DOCK4: variants seen among roughly 807,000 people sequenced by gnomAD.
DOCK4 encodes dedicator of cytokinesis protein 4.
Under a neutral mutation model 268.1 loss-of-function variants are expected in DOCK4, and 97 were observed. The observed-to-expected ratio is 0.36, with a 90% confidence interval of 0.31 to 0.43. The LOEUF (loss-of-function observed/expected upper bound fraction) is 0.43. Among genes scored for constraint, DOCK4 ranks in the 20% least tolerant of loss-of-function variants. The probability of loss-of-function intolerance (pLI) is 1.00; values close to 1 mark genes in which losing one functional copy is unlikely to be tolerated. For missense variants in DOCK4, 2,145 were observed against 2,455.7 expected (o/e 0.87, Z 2.67); for synonymous variants, 954 against 887.2 (o/e 1.08, Z -1.34).
intron 1 of DOCK4, among the ~76,000 whole-genome samples, chr7:112,167,386 G>A (rs575125205): frequency 2.0e-5 from 3 of 152,102 alleles, no homozygotes; most frequent in East Asian, 1.9e-4. Flanking sequence ...GAGGTCACCA[G>A]TGACTCCCCA....
chr7:111,770,345 G>C lies in DOCK4; in HGVS notation c.3680-668C>G, dbSNP rs73434208. The stretch of plus-strand genomic sequence containing the variant: ...TGTGTGGGTGTATTTGTGTGTGTGA[G>C]AGAGAAAGAACCGTTGCAGGCTGTG... On this transcript the variant is annotated intron_variant, in intron 36 of 52. Transcript: ENST00000428084. Among the ~76,000 whole-genome samples the C allele has an allele frequency of 2.8e-3, 430 of 152,128 alleles. 2 individuals are homozygous for C. Among genetic ancestry groups the C allele is most frequent in the African/African-American group, 9.8e-3 (405 of 41,500 alleles).
intron 1 of DOCK4, among the ~76,000 whole-genome samples, chr7:112,079,290 C>T (rs767305926): frequency 6.6e-6 from 1 of 152,150 alleles, no homozygotes; most frequent in Non-Finnish European, 1.5e-5. Context: ...TGCTTACCTG[C>T]ATTTAGTACA....
intron 30 of DOCK4, among the ~76,000 whole-genome samples, chr7:111,791,848 G>A (rs1230421594): frequency 1.3e-5 from 2 of 152,184 alleles, no homozygotes; most frequent in African/African-American, 4.8e-5. Context: ...GGGATTACAA[G>A]CATGAGCCAC....
chr7:111,883,472 T>C (rs1044977397), intron 16 of DOCK4, among the ~76,000 whole-genome samples: 3 of 152,190 alleles, frequency 2.0e-5, no homozygotes, highest in South Asian at 4.1e-4. Flanking sequence ...TGGTCTAGTA[T>C]GATCCATCTG....
At chr7:111,752,780 G>T (rs903169605) in intron 42 of DOCK4, among the ~76,000 whole-genome samples, 2 of 151,654 alleles carry the variant, frequency 1.3e-5, no homozygotes, top group African/African-American at 2.4e-5. Context: ...TACAGACGGG[G>T]TTTCACCATG....
intron 1 of DOCK4, among the ~76,000 whole-genome samples, chr7:112,091,449 T>C (rs571733776): frequency 6.6e-6 from 1 of 152,262 alleles, no homozygotes; most frequent in East Asian, 1.9e-4. Context: ...CTCTGAATTC[T>C]AGAAAGATGT....
intron 1 of DOCK4, among the ~76,000 whole-genome samples, chr7:112,150,481 G>A (rs1815956303): frequency 6.6e-6 from 1 of 152,026 alleles, no homozygotes; most frequent in Non-Finnish European, 1.5e-5. Context: ...ACCCCCACAC[G>A]TAGTCCTGTG....
chr7:112,067,769 A>G (rs1807211533), intron 1 of DOCK4, among the ~76,000 whole-genome samples: 1 of 152,198 alleles, frequency 6.6e-6, no homozygotes, highest in South Asian at 2.1e-4. Context: ...CACACCTTCA[A>G]AGGCTACCAC....
intron 12 of DOCK4, among the ~76,000 whole-genome samples, chr7:111,922,440 A>G (rs1270563868): frequency 1.3e-5 from 2 of 152,208 alleles, no homozygotes. Context: ...TTCTGGAACA[A>G]TTCTGGGAAC....
chr7:111,935,696 C>T, intron 11 of DOCK4, 68 bp from the exon 12 acceptor site: 2 of 1,361,748 alleles, frequency 1.5e-6, no homozygotes, highest in Non-Finnish European at 2.1e-6. Flanking sequence ...CCTCATAGTA[C>T]ATCTGCCCTT....
intron 13 of DOCK4, among the ~76,000 whole-genome samples, chr7:111,903,071 ATATAAC>A (rs1791276660): frequency 6.6e-6 from 1 of 151,532 alleles, no homozygotes; most frequent in African/African-American, 2.5e-5. Context: ...AAAAATAACC[ATATAAC>A]TATGTCTACA....
At chr7:111,853,925 T>G (rs554218421) in intron 23 of DOCK4, among the ~76,000 whole-genome samples, 2 of 151,712 alleles carry the variant, frequency 1.3e-5, no homozygotes, top group South Asian at 4.2e-4. Flanking sequence ...TTTTTGTTGT[T>G]GTTGTTGTTT....
At chr7:111,756,633 T>C (rs915985348) in intron 41 of DOCK4, among the ~76,000 whole-genome samples, 2 of 152,060 alleles carry the variant, frequency 1.3e-5, no homozygotes, top group African/African-American at 4.8e-5. Context: ...GATGACACGT[T>C]TCTTTTTTGT....
chr7:112,116,881 T>C (rs748737692), intron 1 of DOCK4, among the ~76,000 whole-genome samples: 2 of 152,232 alleles, frequency 1.3e-5, no homozygotes, highest in East Asian at 1.9e-4. Flanking sequence ...CATGAGCCAC[T>C]GTACCCGGCC....
intron 1 of DOCK4, among the ~76,000 whole-genome samples, chr7:112,192,180 T>A (rs1365354763): frequency 6.6e-6 from 1 of 151,572 alleles, no homozygotes; most frequent in Non-Finnish European, 1.5e-5. Context: ...TCTTTCTTCC[T>A]CTGCCCAGTC....
At chr7:111,953,226 A>G (rs1361394016) in intron 8 of DOCK4, among the ~76,000 whole-genome samples, 1 of 151,988 alleles carries the variant, frequency 6.6e-6, no homozygotes, top group Non-Finnish European at 1.5e-5. Context: ...AAAAAAATTA[A>G]CTACGCTGTT....
chr7:112,182,297 T>A (rs889052839), intron 1 of DOCK4, among the ~76,000 whole-genome samples: 1 of 152,220 alleles, frequency 6.6e-6, no homozygotes, highest in African/African-American at 2.4e-5. Flanking sequence ...TTGAAATACA[T>A]TAATTTTTAA....
At chr7:111,781,542 T>C (rs1447294662) in intron 35 of DOCK4, among the ~76,000 whole-genome samples, 1 of 152,142 alleles carries the variant, frequency 6.6e-6, no homozygotes, top group Non-Finnish European at 1.5e-5. Flanking sequence ...GAAAACATTA[T>C]GGAAGAAAGT....
intron 26 of DOCK4, among the ~76,000 whole-genome samples, chr7:111,824,950 T>C (rs1470909659): frequency 2.0e-5 from 3 of 152,108 alleles, no homozygotes; most frequent in Non-Finnish European, 2.9e-5. Flanking sequence ...ACCAAACATA[T>C]TCAACAGTAG....
Sources: allele counts gnomAD v4.1 joint callset (sites outside exome capture counted in the v4.1 genomes callset), GRCh38; gene constraint gnomAD v4.1.1; transcripts MANE v1.5; gene names NCBI Gene and HGNC (gene_info 2026-07-23, HGNC 2026-07-21).